CSMD1: variants seen among roughly 807,000 people sequenced by gnomAD.
CSMD1 encodes CUB and sushi domain-containing protein 1.
In CSMD1, 213 loss-of-function variants were observed where a neutral mutation model predicts 417.5. That is an observed-to-expected ratio of 0.51 (90% CI 0.46 to 0.57). The LOEUF is 0.57. Among genes scored for constraint, CSMD1 ranks in the 20% least tolerant of loss-of-function variants. CSMD1 has a pLI of 0.00. For synonymous variants in CSMD1, 2,862 were observed against 1,736.8 expected, an observed-to-expected ratio of 1.65 and a Z score of -16.11; for missense variants, 6,923 against 4,529.7, an observed-to-expected ratio of 1.53 and a Z score of -15.17.
At chr8:4,232,064 C>T (rs1008540024) in intron 3 of CSMD1, among the ~76,000 whole-genome samples, 5 of 152,132 alleles carry the variant, frequency 3.3e-5, no homozygotes, top group African/African-American at 7.2e-5. Context: ...GTTAGAAGAG[C>T]GAAGTAGTAA....
chr8:3,512,768 G>A (rs567425345), intron 10 of CSMD1, among the ~76,000 whole-genome samples: 88 of 151,810 alleles, frequency 5.8e-4, no homozygotes, highest in Admixed American at 2.1e-3. Context: ...GCCACCACAC[G>A]CAGGTTTTTT....
intron 25 of CSMD1, among the ~76,000 whole-genome samples, chr8:3,303,674 A>G (rs1170940939): frequency 2.0e-5 from 3 of 152,238 alleles, no homozygotes; most frequent in Admixed American, 6.5e-5. Context: ...TGTAAAACAT[A>G]GCCTTTAATG....
At chr8:4,721,760 G>A (rs948854973) in intron 1 of CSMD1, among the ~76,000 whole-genome samples, 4 of 152,094 alleles carry the variant, frequency 2.6e-5, no homozygotes, top group African/African-American at 9.7e-5. Context: ...GCACTCCCAT[G>A]TTCACTGAGG....
intron 1 of CSMD1, among the ~76,000 whole-genome samples, chr8:4,894,559 G>C (rs116125191): frequency 3.2e-5 from 1 of 31,578 alleles, no homozygotes; most frequent in South Asian, 7.1e-4. Flanking sequence ...TCTCAAAAAA[G>C]AAAAAAAAAA....
intron 12 of CSMD1, among the ~76,000 whole-genome samples, chr8:3,455,282 G>A (rs4875709): frequency 6.6e-6 from 1 of 151,990 alleles, no homozygotes; most frequent in Non-Finnish European, 1.5e-5. Context: ...TCGGAGTAGT[G>A]TGATCATCTG....
At chr8:4,374,232 A>T (rs13276894) in intron 3 of CSMD1, among the ~76,000 whole-genome samples, 29,836 of 151,978 alleles carry the variant, frequency 0.2, 3,105 homozygotes, top group Middle Eastern at 0.28. Context: ...TCCCCACAAC[A>T]TCATCACCAT....
intron 3 of CSMD1, among the ~76,000 whole-genome samples, chr8:4,118,720 G>C (rs1028718601): frequency 6.6e-6 from 1 of 152,176 alleles, no homozygotes; most frequent in Non-Finnish European, 1.5e-5. Flanking sequence ...AATACCATTT[G>C]ACCCAGCAAT....
At chr8:4,667,965 T>A (rs1220346895) in intron 1 of CSMD1, among the ~76,000 whole-genome samples, 1 of 152,362 alleles carries the variant, frequency 6.6e-6, no homozygotes, top group Non-Finnish European at 1.5e-5. Context: ...TTACCTGCCA[T>A]TGCATTTGTT....
intron 1 of CSMD1, among the ~76,000 whole-genome samples, chr8:4,822,571 A>C (rs1191139981): frequency 2.0e-5 from 3 of 152,080 alleles, no homozygotes; most frequent in Non-Finnish European, 4.4e-5. Context: ...AAAAATTTTT[A>C]CATTTTTATA....
At chr8:3,516,960 C>T (rs71521871) in intron 10 of CSMD1, among the ~76,000 whole-genome samples, 5,580 of 152,290 alleles carry the variant, frequency 0.037, 148 homozygotes, top group Non-Finnish European at 0.056. Context: ...AAAGAGGATG[C>T]TTCTGTAAGA....
chr8:4,331,611 G>A (rs1024437277), intron 3 of CSMD1, among the ~76,000 whole-genome samples: 4 of 152,054 alleles, frequency 2.6e-5, no homozygotes, highest in African/African-American at 7.2e-5. Flanking sequence ...TGGCAACTGT[G>A]GCTTTCTTCT....
intron 26 of CSMD1, among the ~76,000 whole-genome samples, chr8:3,271,819 T>G (rs1399951445): frequency 1.3e-5 from 2 of 152,174 alleles, no homozygotes; most frequent in African/African-American, 4.8e-5. Context: ...CATTATAGAT[T>G]GTGGATATTA....
At position 3,873,035 on chromosome 8, in the gene CSMD1, T is replaced by C. The variant is rs539131864; in HGVS notation, c.819-118993A>G. 2.6e-5 allele frequency among the ~76,000 whole-genome samples: 4 copies of C among 151,966 alleles called. No homozygotes were observed. In the South Asian group the frequency reaches 8.3e-4, roughly 32 times the overall value. ...CTCACACTACTCAGAATTGTTGTTA[T>C]TAAAAAATCAAACAACAACAGATGC... On this transcript the variant is annotated intron_variant, in intron 5 of 69. Transcript: ENST00000635120.
At chr8:2,976,131 G>A (rs1313755414) in intron 55 of CSMD1, among the ~76,000 whole-genome samples, 8 of 151,596 alleles carry the variant, frequency 5.3e-5, no homozygotes, top group South Asian at 2.1e-4. Flanking sequence ...TACCACTGTC[G>A]TTCTCCACAG....
chr8:3,390,703 T>G (rs946892647), intron 17 of CSMD1, among the ~76,000 whole-genome samples: 3 of 152,132 alleles, frequency 2.0e-5, no homozygotes, highest in African/African-American at 7.2e-5. Context: ...CTGAATACAT[T>G]TGCTACTTAA....
chr8:3,110,368 T>C (rs1305732948), intron 42 of CSMD1, 33 bp from the exon 43 acceptor site: 7 of 1,546,578 alleles, frequency 4.5e-6, no homozygotes, highest in Non-Finnish European at 5.2e-6. Flanking sequence ...ACAAGCGCCA[T>C]ACAGCTGATT....
At chr8:3,520,617 C>A (rs938358887) in intron 10 of CSMD1, among the ~76,000 whole-genome samples, 1 of 152,162 alleles carries the variant, frequency 6.6e-6, no homozygotes, top group Non-Finnish European at 1.5e-5. Flanking sequence ...CTTGCTCATT[C>A]ACTGGCTGTT....
chr8:3,502,327 T>G (rs1000468119), intron 10 of CSMD1, among the ~76,000 whole-genome samples: 14 of 135,914 alleles, frequency 1.0e-4, no homozygotes, highest in Admixed American at 2.5e-4. Flanking sequence ...ATCGCGCCAC[T>G]GCACTGCAGC....
intron 4 of CSMD1, among the ~76,000 whole-genome samples, chr8:4,000,552 T>A (rs1563303617): frequency 6.6e-6 from 1 of 152,220 alleles, no homozygotes; most frequent in African/African-American, 2.4e-5. Flanking sequence ...GGTTAACAAC[T>A]AAAAGTGACT....
Sources: allele counts gnomAD v4.1 joint callset (sites outside exome capture counted in the v4.1 genomes callset), GRCh38; gene constraint gnomAD v4.1.1; transcripts MANE v1.5; gene names NCBI Gene and HGNC (gene_info 2026-07-23, HGNC 2026-07-21).